Variants in ANKMY1 observed in about 807,000 individuals in gnomAD.
ANKMY1 encodes ankyrin repeat and MYND domain containing 1, also known as ankyrin repeat and MYND domain-containing protein 1.
A neutral mutation model predicts 102.0 loss-of-function variants in ANKMY1; 98 were observed. The ratio of observed to expected loss-of-function variants is 0.96; its 90% CI spans 0.82 to 1.14. The LOEUF (loss-of-function observed/expected upper bound fraction) is 1.14. Among genes scored for constraint, ANKMY1 ranks in the 50% most tolerant of loss-of-function variants. The pLI, the probability that ANKMY1 is intolerant of heterozygous loss-of-function variation, is 0.00. For missense variants in ANKMY1, 1,330 were observed against 1,347.6 expected, an observed-to-expected ratio of 0.99 and a Z score of 0.20; for synonymous variants, 582 against 559.9, an observed-to-expected ratio of 1.04 and a Z score of -0.56.
At chr2:240,516,709 A>T (rs2081278562) in intron 9 of ANKMY1, among the ~76,000 whole-genome samples, 2 of 152,214 alleles carry the variant, frequency 1.3e-5, no homozygotes, top group South Asian at 4.1e-4. Flanking sequence ...GGGGGAGTTC[A>T]TGGAAAGGAC....
intron 16 of ANKMY1, among the ~76,000 whole-genome samples, chr2:240,481,445 T>A (rs1219963237): frequency 6.6e-6 from 1 of 152,172 alleles, no homozygotes; most frequent in African/African-American, 2.4e-5. Context: ...TAGGGAAATG[T>A]CTGTGGTACA....
At chr2:240,554,810 A>G (rs2092093345) in intron 3 of ANKMY1, 56 bp downstream of exon 3, 2 of 1,594,290 alleles carry the variant, frequency 1.3e-6, no homozygotes, top group South Asian at 2.3e-5. Flanking sequence ...GGAAGGATAA[A>G]GGCCAGCCAC....
intron 5 of ANKMY1, chr2:240,526,757 G>A: frequency 2.3e-5 from 30 of 1,286,078 alleles, no homozygotes; most frequent in Non-Finnish European, 3.0e-5. Context: ...CTAAGAAATG[G>A]GCTGTAACAG....
chr2:240,500,393 G>C, intron 14 of ANKMY1, 59 bp downstream of exon 14: 1 of 1,505,090 alleles, frequency 6.6e-7, no homozygotes, highest in Non-Finnish European at 9.1e-7. Flanking sequence ...TGCCCCAGCC[G>C]GGGGCCCTGC....
At chr2:240,526,504 G>C (rs1160294244) in intron 5 of ANKMY1, 59 bp from the exon 6 acceptor site, 1 of 1,602,894 alleles carries the variant, frequency 6.2e-7, no homozygotes, top group Non-Finnish European at 8.5e-7. Context: ...CCACGAGAAA[G>C]GGTCCAGCTG....
intron 12 of ANKMY1, among the ~76,000 whole-genome samples, chr2:240,508,766 GA>G: frequency 6.6e-6 from 1 of 152,020 alleles, no homozygotes; most frequent in South Asian, 2.1e-4. Context: ...ATGGATGAAT[GA>G]ATGAATGAAT....
rs1003661878 is a variant in ANKMY1 at position 240,506,052 on chromosome 2, C to A, written c.2526+1508G>T. 6.6e-6 allele frequency among the ~76,000 whole-genome samples: 1 copy of A among 151,982 alleles called. No homozygotes were observed. The highest frequency in any genetic ancestry group is 2.4e-5 in the African/African-American group (1 of 41,396). ...TGAGGCACCGGGGAGCCTCCTAACC[C>A]CGGACAAGATGCTGGGGAGCCCCCT... On this transcript the variant is annotated intron_variant, in intron 13 of 17. Transcript: ENST00000401804. The surrounding 1 kb of genome is among the most constrained non-coding windows in gnomAD (Gnocchi z 4.9).
At chr2:240,523,582 C>T in intron 8 of ANKMY1, 1 of 447,056 alleles carries the variant, frequency 2.2e-6, no homozygotes, top group Non-Finnish European at 4.1e-6. Context: ...TGCTGAGGCT[C>T]CCACAGAGAC....
intron 9 of ANKMY1, among the ~76,000 whole-genome samples, chr2:240,518,496 G>A (rs542044566): frequency 6.6e-6 from 1 of 152,334 alleles, no homozygotes; most frequent in South Asian, 2.1e-4. Flanking sequence ...TCTCCCTGGT[G>A]CAGCACCCAA....
At chr2:240,515,973 C>T (rs2081130628) in intron 9 of ANKMY1, among the ~76,000 whole-genome samples, 1 of 151,782 alleles carries the variant, frequency 6.6e-6, no homozygotes, top group Non-Finnish European at 1.5e-5. Context: ...ATCTGCCCAC[C>T]TCAGCCTCCC....
Position 240,520,051 on chromosome 2 carries a change from A to G in ANKMY1, c.2004+311T>C, listed in dbSNP as rs184695847. ...AAAGGAGGCCCGCCTCCTCCTGAAT[A>G]TAAGTCTCCCCTTTCCAAGGGGCCT... On this transcript the variant is annotated intron_variant, in intron 9 of 17. Coordinates refer to ENST00000401804, the MANE Select transcript of ANKMY1 (RefSeq NM_001282771.3). The surrounding 1 kb of genome is among the most constrained non-coding windows in gnomAD (Gnocchi z 4.8). 3.0e-5 allele frequency: 17 copies of G among 568,104 alleles called. No individual in the cohort carries two copies. Among genetic ancestry groups the G allele is most frequent in the Admixed American group, 2.0e-4 (9 of 45,236 alleles). 35.2% of individuals were successfully genotyped at this position (568,104 alleles called of 1,614,324 possible). A position where few individuals can be genotyped will look rare whatever the true frequency, so the allele number is the denominator to read the frequency against.
At position 240,481,222 on chromosome 2, in the gene ANKMY1, C is replaced by T; in HGVS notation, c.2886-125G>A. ...CTATTCCCCACCGTCCCGCACTGTC[C>T]CCTGCATTGGGCAGCCTTCACACAC... is the stretch of plus-strand genomic sequence containing the variant. On this transcript the variant is annotated intron_variant, in intron 16 of 17. Coordinates refer to ENST00000401804, the MANE Select transcript of ANKMY1 (RefSeq NM_001282771.3). 4.9e-6 allele frequency: 6 copies of T among 1,228,840 alleles called. No individual in the cohort carries two copies. In the Middle Eastern group the frequency reaches 1.3e-3, roughly 267 times the overall value. The allele number at this position is 1,228,840 out of a possible 1,614,324, so 76.1% of individuals were successfully genotyped here.
intron 15 of ANKMY1, among the ~76,000 whole-genome samples, chr2:240,485,410 T>A (rs2075936813): frequency 6.6e-6 from 1 of 152,106 alleles, no homozygotes; most frequent in Non-Finnish European, 1.5e-5. Flanking sequence ...GCTTTTACAC[T>A]GTTGGTGGGA....
chr2:240,520,532 G>A lies in ANKMY1; in HGVS notation c.1834C>T (p.Arg612Trp), dbSNP rs1397747494. ...TTGATGGTCCGCCAGCGCTTCCTCCGCCTGAAAAAGACGGTGCGCCCGTGG... is the reference window on the plus strand; with the variant it reads ...TTGATGGTCCGCCAGCGCTTCCTCCACCTGAAAAAGACGGTGCGCCCGTGG... ...MRRMALSMIERRKRWRTIKLL... is the reference protein window; with the variant it reads ...MRRMALSMIEWRKRWRTIKLL... The change falls in exon 9 of 18, where the codon CGG becomes TGG. Residue 612 changes from arginine to tryptophan, a missense_variant and splice_region_variant. Transcript: ENST00000401804. This position sits in a 1 kb window ranked among gnomAD's most constrained non-coding sequence, Gnocchi z 4.8. The A allele has an allele frequency of 6.2e-7, 1 of 1,610,780 alleles. No homozygotes were observed. Among genetic ancestry groups the A allele is most frequent in the Admixed American group, 1.7e-5 (1 of 59,660 alleles).
At position 240,509,428 on chromosome 2, in the gene ANKMY1, G is replaced by T; in HGVS notation, c.2314C>A (p.Leu772Ile). Residue 772 changes from leucine to isoleucine, a missense_variant, in exon 12 of 18, where the codon CTA becomes ATA. Transcript: ENST00000401804. ...KCARDIVRLL[L>I]SHGANPNLLW... ...AGGTTAGGATTTGCTCCGTGGGATA[G>T]AAGGAGCCGGACTATGTCCCTGGCA... 1 of 1,613,466 alleles carries T rather than the reference G, an allele frequency of 6.2e-7. No individual in the cohort carries two copies. The highest frequency in any genetic ancestry group is 8.5e-7 in the Non-Finnish European group (1 of 1,179,698).
chr2:240,559,954 G>C (rs2092802743), upstream of ANKMY1: 1 of 152,360 alleles, frequency 6.6e-6, no homozygotes, highest in South Asian at 2.1e-4. Context: ...AATTGAAGGA[G>C]TCTTAAATGG....
In ANKMY1 at chr2:240,524,353, A is replaced by G; in HGVS notation, c.1364T>C (p.Ile455Thr). The change falls in exon 8 of 18, where the codon ATC becomes ACC. Residue 455 changes from isoleucine to threonine, a missense_variant. Ile to Thr is a moderately conservative substitution (Grantham distance 89, BLOSUM62 -1). Transcript: ENST00000401804. Reference protein sequence around the residue: ...QEPPKFPVVPILSSSFMDTNL... With the variant: ...QEPPKFPVVPTLSSSFMDTNL... ...TGTGTCCATAAATGATGATGAAAGGATTGGAACAACTGGGAATTTTGGAGG... is the reference window on the plus strand; with the variant it reads ...TGTGTCCATAAATGATGATGAAAGGGTTGGAACAACTGGGAATTTTGGAGG... 2.5e-6 allele frequency: 4 copies of G among 1,601,122 alleles called. No individual in the cohort carries two copies. The highest frequency in any genetic ancestry group is 3.4e-6 in the Non-Finnish European group (4 of 1,172,132).
downstream of ANKMY1, among the ~76,000 whole-genome samples, chr2:240,478,300 C>G (rs147752774): frequency 6.6e-6 from 1 of 152,162 alleles, no homozygotes; most frequent in Non-Finnish European, 1.5e-5. Flanking sequence ...TAATACAGTG[C>G]GGATAATTGT....
intron 13 of ANKMY1, among the ~76,000 whole-genome samples, chr2:240,502,129 C>T (rs1319470109): frequency 6.6e-6 from 1 of 152,036 alleles, no homozygotes; most frequent in Non-Finnish European, 1.5e-5. Context: ...GATGGATCGA[C>T]CTTTCCCTGC....
Sources: allele counts gnomAD v4.1 joint callset (sites outside exome capture counted in the v4.1 genomes callset), GRCh38; gene constraint gnomAD v4.1.1; non-coding constraint Gnocchi (gnomAD v3.1); transcripts MANE v1.5; gene names NCBI Gene and HGNC (gene_info 2026-07-23, HGNC 2026-07-21).